The following VWF variants were observed in gnomAD, a reference collection of about 807,000 sequenced individuals.
VWF encodes von Willebrand factor.
In VWF, 176 loss-of-function variants were observed where a neutral mutation model predicts 308.6. The ratio of observed to expected loss-of-function variants is 0.57; its 90% CI spans 0.50 to 0.65. The LOEUF (loss-of-function observed/expected upper bound fraction) is 0.65. VWF is among the 30% of genes least tolerant of loss of function. The probability of loss-of-function intolerance (pLI) is 0.00; values close to 1 mark genes in which losing one functional copy is unlikely to be tolerated. For missense variants in VWF, 3,146 were observed against 3,648.2 expected, an observed-to-expected ratio of 0.86 and a Z score of 3.55; for synonymous variants, 1,385 against 1,443.4, an observed-to-expected ratio of 0.96 and a Z score of 0.92.
intron 10 of VWF, among the ~76,000 whole-genome samples, chr12:6,066,678 T>C (rs1944719018): frequency 6.6e-6 from 1 of 152,210 alleles, no homozygotes; most frequent in Non-Finnish European, 1.5e-5. Context: ...CTACAGACCA[T>C]CCTATGTGGG....
intron 48 of VWF, among the ~76,000 whole-genome samples, chr12:5,953,154 G>A (rs1390184033): frequency 6.6e-6 from 1 of 152,058 alleles, no homozygotes; most frequent in Non-Finnish European, 1.5e-5. Context: ...TTGAACCCAG[G>A]AGGCGGAGGT....
intron 47 of VWF, among the ~76,000 whole-genome samples, chr12:5,963,457 A>T (rs1304895194): frequency 6.6e-6 from 1 of 152,256 alleles, no homozygotes; most frequent in Non-Finnish European, 1.5e-5. Flanking sequence ...AGAAGATATC[A>T]CTTCACAATG....
intron 15 of VWF, among the ~76,000 whole-genome samples, chr12:6,053,721 A>G (rs1688228067): frequency 6.6e-6 from 1 of 152,254 alleles, no homozygotes; most frequent in African/African-American, 2.4e-5. Flanking sequence ...GAATAACAGT[A>G]TCCACCCAGT....
chr12:5,988,731 G>A (rs1227888326), intron 38 of VWF, among the ~76,000 whole-genome samples: 1 of 152,196 alleles, frequency 6.6e-6, no homozygotes, highest in Non-Finnish European at 1.5e-5. Context: ...GGCCTGGCCA[G>A]GCTATGCAGC....
rs61754001 is a variant in VWF at position 6,073,645 on chromosome 12, C to T, written c.971G>A (p.Arg324Gln). The stretch of plus-strand genomic sequence containing the variant: ...AGGGCAGCTGCAGCCATCCACGCAT[C>T]GCTCCTGACACATTTCATTGATGTG... ...SLHINEMCQE[R>Q]CVDGCSCPEG... Residue 324 changes from arginine to glutamine, a missense_variant, in exon 8 of 52, where the codon CGA (arginine) becomes CAA (glutamine). This residue lies in a region of VWF where 1,304 missense variants were observed against 1,353.0 expected (regional missense o/e 0.96). Transcript: ENST00000261405. The T allele has an allele frequency of 8.1e-6, 13 of 1,614,110 alleles. No individual in the cohort carries two copies. Among genetic ancestry groups the T allele is most frequent in the African/African-American group, 2.7e-5 (2 of 75,040 alleles).
chr12:5,952,537 T>G lies in VWF; in HGVS notation c.7987-18A>C, dbSNP rs1591828389. The G allele has an allele frequency of 9.3e-6, 15 of 1,611,800 alleles. No homozygotes were observed. The highest frequency in any genetic ancestry group is 1.3e-5 in the Non-Finnish European group (15 of 1,178,998). On this transcript the variant is annotated intron_variant, in intron 48 of 51. Coordinates refer to ENST00000261405, the MANE Select transcript of VWF (RefSeq NM_000552.5). ...TCATCACGCTGGAAGGAAAGAGGAG[T>G]GGGTAAAGTCAGAGACAGTGTTTGG... is the stretch of plus-strand genomic sequence containing the variant.
Position 6,019,227 on chromosome 12 carries a change from A to C in VWF, c.4191T>G (p.Phe1397Leu). 6.2e-7 allele frequency: 1 copy of C among 1,613,916 alleles called. No individual in the cohort carries two copies. Among genetic ancestry groups the C allele is most frequent in the Non-Finnish European group, 8.5e-7 (1 of 1,179,842 alleles). ...TCTTCAGGCCCTGGACGTAGCGGAC[A>C]AAGTTCCGGGACATCCGTTGGGGCT... ...SQEPQRMSRN[F>L]VRYVQGLKKK... is the part of the protein sequence containing the mutation. Residue 1397 changes from phenylalanine (F) to leucine (L), a missense_variant, in exon 28 of 52, where the codon TTT becomes TTG. By Grantham distance (22) the Phe-to-Leu change is conservative. This residue lies in a region of VWF where 853 missense variants were observed against 1,177.8 expected (regional missense o/e 0.72). Transcript: ENST00000261405. The surrounding 1 kb of genome is among the most constrained non-coding windows in gnomAD (Gnocchi z 5.8).
chr12:6,052,656 T>G lies in VWF; in HGVS notation c.2073A>C (p.Pro691=). 3 of 1,614,200 alleles carry G rather than the reference T, an allele frequency of 1.9e-6. No individual in the cohort carries two copies. Among genetic ancestry groups the G allele is most frequent in the Non-Finnish European group, 2.5e-6 (3 of 1,180,032 alleles). ...CCCCCCTCTCATCCATGTAGAGCCC[T>G]GGGGGGCAGAAGCAGCCCTCCAGGC... is the stretch of plus-strand genomic sequence containing the variant. ...EACLEGCFCP[P]GLYMDERGDC... is the part of the protein sequence containing the mutation. Residue 691 remains proline, a synonymous_variant, in exon 16 of 52, where the codon CCA becomes CCC. Coordinates refer to ENST00000261405, the MANE Select transcript of VWF (RefSeq NM_000552.5).
Position 5,949,189 on chromosome 12 carries a change from G to T in VWF, c.8268C>A (p.Ser2756Arg). 6.2e-7 allele frequency: 1 copy of T among 1,614,066 alleles called. No homozygotes were observed. Among genetic ancestry groups the T allele is most frequent in the South Asian group, 1.1e-5 (1 of 91,086 alleles). Residue 2756 changes from serine to arginine, a missense_variant, in exon 52 of 52, where the codon AGC becomes AGA. Around this residue, in one of 3 missense-constraint regions of VWF, gnomAD observed 989 missense variants for 1,117.4 expected, o/e 0.89. Coordinates refer to ENST00000261405, the MANE Select transcript of VWF (RefSeq NM_000552.5). ...DIHYCQGKCASKAMYSIDIND... is the reference protein window; with the variant it reads ...DIHYCQGKCARKAMYSIDIND... ...TGATGTCAATGGAGTACATGGCTTT[G>T]CTGGCACATTTGCCCTGCAAGAAAG...
intron 40 of VWF, among the ~76,000 whole-genome samples, chr12:5,983,990 A>AGATAGAT (rs765312935): frequency 4.5e-5 from 5 of 110,100 alleles, no homozygotes; most frequent in Non-Finnish European, 7.6e-5. Context: ...ATAGATAGAT[A>AGATAGAT]GATAGATAGA....
chr12:6,077,359 C>T lies in VWF; in HGVS notation c.658-1808G>A, dbSNP rs537637124. On this transcript the variant is annotated intron_variant, in intron 6 of 51. Transcript: ENST00000261405. ...CTCTGCACCTTAGGAAAGCACCCAC[C>T]GGCATGGGCTGCTCAACTGCAGAAG... is the stretch of plus-strand genomic sequence containing the variant. Among the ~76,000 whole-genome samples, 5 of 152,292 alleles carry T rather than the reference C, an allele frequency of 3.3e-5. No individual in the cohort carries two copies. The East Asian group carries it at 7.7e-4, about 24-fold the overall frequency.
intron 24 of VWF, 92 bp downstream of exon 24, chr12:6,025,488 G>T: frequency 1.0e-6 from 1 of 1,003,198 alleles, no homozygotes; most frequent in African/African-American, 1.6e-5. Flanking sequence ...AGACACGAGG[G>T]TAGTGTCCAC....
intron 5 of VWF, among the ~76,000 whole-genome samples, chr12:6,105,012 T>C (rs1220665691): frequency 6.6e-6 from 1 of 152,170 alleles, no homozygotes; most frequent in Non-Finnish European, 1.5e-5. Context: ...AAATATGACA[T>C]GTTCTCACCA....
chr12:5,995,393 C>T (rs948473931), intron 35 of VWF, among the ~76,000 whole-genome samples: 4 of 152,064 alleles, frequency 2.6e-5, no homozygotes, highest in Non-Finnish European at 5.9e-5. Context: ...GATTTTTCTG[C>T]AATTATTGTT....
intron 3 of VWF, among the ~76,000 whole-genome samples, chr12:6,112,092 G>A (rs1945313835): frequency 6.6e-6 from 1 of 152,168 alleles, no homozygotes; most frequent in South Asian, 2.1e-4. Flanking sequence ...TGATTATCCA[G>A]GAGTTTACAG....
Position 6,058,050 on chromosome 12 carries a change from G to A in VWF, c.1534-6C>T. 1 of 1,612,970 alleles carries A rather than the reference G, an allele frequency of 6.2e-7. No individual in the cohort carries two copies. The highest frequency in any genetic ancestry group is 8.5e-7 in the Non-Finnish European group (1 of 1,180,016). ...CCGGCATAGACGGGGGACAGCTGCA[G>A]GAGAGACCAGGCCACTCTGGAGCCG... On this transcript the variant is annotated splice_region_variant and splice_polypyrimidine_tract_variant and intron_variant, in intron 13 of 51. Transcript: ENST00000261405. The surrounding 1 kb of genome is among the most constrained non-coding windows in gnomAD (Gnocchi z 4.9).
At chr12:6,027,876 A>ACC (rs752146937) in intron 22 of VWF, among the ~76,000 whole-genome samples, 1 of 86,676 alleles carries the variant, frequency 1.2e-5, no homozygotes, top group African/African-American at 4.9e-5. Flanking sequence ...ACACACACAC[A>ACC]CACACACCCC....
chr12:6,056,749 C>T (rs1230740503), intron 15 of VWF, 108 bp downstream of exon 15: 1 of 1,004,816 alleles, frequency 1.0e-6, no homozygotes, highest in African/African-American at 1.7e-5. Context: ...GTCACAATGC[C>T]CTACGCCCTC....
intron 47 of VWF, among the ~76,000 whole-genome samples, chr12:5,960,879 C>T (rs1250500426): frequency 2.0e-5 from 3 of 152,202 alleles, no homozygotes; most frequent in African/African-American, 7.2e-5. Context: ...CGGTCAGTGG[C>T]CTGTTAGGAA....
Sources: gnomAD v4.1 joint callset for allele counts (sites outside exome capture counted in the v4.1 genomes callset) on GRCh38, gnomAD v4.1.1 for gene constraint, gnomAD v4.1.1 regional missense constraint, Gnocchi (gnomAD v3.1) non-coding constraint, MANE v1.5 for transcripts, NCBI Gene and HGNC (gene_info 2026-07-23, HGNC 2026-07-21) for gene names.